The following MACROD2 variants were observed in gnomAD, a reference collection of about 807,000 sequenced individuals.
MACROD2 encodes the protein ADP-ribose glycohydrolase MACROD2.
MACROD2 carries 36 observed loss-of-function variants against 70.4 expected under a neutral mutation model. The observed-to-expected ratio is 0.51, with a 90% CI of 0.39 to 0.68. The LOEUF is 0.68. Ranked by LOEUF, MACROD2 falls within the 30% of genes least tolerant of loss-of-function variation. The pLI is 0.00. For missense variants in MACROD2, 496 were observed against 538.4 expected (o/e 0.92, Z 0.78); for synonymous variants, 172 against 178.8 (o/e 0.96, Z 0.30).
intron 8 of MACROD2, among the ~76,000 whole-genome samples, chr20:15,708,194 C>G (rs1311148830): frequency 2.0e-5 from 3 of 152,064 alleles, no homozygotes; most frequent in Admixed American, 1.3e-4. Flanking sequence ...TATATCATGG[C>G]CTATTCAAGA....
At chr20:16,001,463 G>A (rs2066707921) in intron 15 of MACROD2, among the ~76,000 whole-genome samples, 1 of 152,156 alleles carries the variant, frequency 6.6e-6, no homozygotes, top group South Asian at 2.1e-4. Context: ...AAACTTCAAA[G>A]GAAATGTTGT....
At chr20:15,177,132 G>A (rs2076468254) in intron 5 of MACROD2, among the ~76,000 whole-genome samples, 1 of 152,192 alleles carries the variant, frequency 6.6e-6, no homozygotes, top group South Asian at 2.1e-4. Context: ...CTCACCTTTG[G>A]TAGGTGTGGG....
chr20:15,925,908 T>C (rs983690659), intron 10 of MACROD2, among the ~76,000 whole-genome samples: 3 of 152,194 alleles, frequency 2.0e-5, no homozygotes, highest in Non-Finnish European at 4.4e-5. Flanking sequence ...CCCATGAAGC[T>C]TGCACCCCTT....
At chr20:14,861,604 G>A (rs951231129) in intron 5 of MACROD2, among the ~76,000 whole-genome samples, 3 of 151,788 alleles carry the variant, frequency 2.0e-5, no homozygotes, top group Admixed American at 1.3e-4. Flanking sequence ...TCTATGTAGT[G>A]GGGAAAATGG....
intron 4 of MACROD2, among the ~76,000 whole-genome samples, chr20:14,548,842 A>AG (rs2123254581): frequency 6.6e-6 from 1 of 152,194 alleles, no homozygotes; most frequent in African/African-American, 2.4e-5. Context: ...GAAGTAAAAA[A>AG]GGGAATGGAT....
intron 4 of MACROD2, among the ~76,000 whole-genome samples, chr20:14,632,649 A>G (rs1326519595): frequency 1.3e-5 from 2 of 152,188 alleles, no homozygotes; most frequent in African/African-American, 4.8e-5. Flanking sequence ...AGTGGAAGGT[A>G]GTAGATAGTT....
intron 6 of MACROD2, among the ~76,000 whole-genome samples, chr20:15,412,193 G>A (rs192064987): frequency 5.3e-4 from 80 of 152,256 alleles, no homozygotes; most frequent in Middle Eastern, 3.4e-3. Flanking sequence ...CTGCCAGTTG[G>A]AGCCTCATAA....
chr20:15,693,456 A>G (rs1464459012), intron 8 of MACROD2, among the ~76,000 whole-genome samples: 1 of 152,104 alleles, frequency 6.6e-6, no homozygotes, highest in Non-Finnish European at 1.5e-5. Flanking sequence ...GCAGGACTTG[A>G]TGATTGGCAA....
rs568173980 is a variant in MACROD2, at chr20:16,052,781, C to T, written c.*2905C>T. The T allele has an allele frequency of 7.0e-4, 107 of 152,632 alleles. No homozygotes were observed. Among genetic ancestry groups the T allele is most frequent in the African/African-American group, 2.0e-3 (85 of 41,532 alleles). 9.5% of individuals were successfully genotyped at this position (152,632 alleles called of 1,614,324 possible). On this transcript the variant is annotated 3_prime_UTR_variant, in exon 18 of 18. Transcript: ENST00000684519. Reference sequence around the variant, plus strand: ...AAAAGACATTTCTCTGTATGTGGCGCATGTCGGCTTTGCTTTGAAAAATAA... The same window carrying T: ...AAAAGACATTTCTCTGTATGTGGCGTATGTCGGCTTTGCTTTGAAAAATAA...
intron 3 of MACROD2, among the ~76,000 whole-genome samples, chr20:14,243,356 G>C (rs984127590): frequency 6.6e-6 from 1 of 152,132 alleles, no homozygotes; most frequent in East Asian, 1.9e-4. Context: ...TTTCTCTCCA[G>C]TCTTGCTTTT....
At chr20:14,793,236 GA>G (rs2072470884) in intron 5 of MACROD2, among the ~76,000 whole-genome samples, 1 of 151,916 alleles carries the variant, frequency 6.6e-6, no homozygotes, top group Non-Finnish European at 1.5e-5. Context: ...GTTATAGTGT[GA>G]ATTAGAAATT....
rs1447677517 is a variant in MACROD2 at position 15,233,962 on chromosome 20, T to A, written c.540+3901T>A. ...ATGAGTTACCCTTGGATCCAAAAAA[T>A]TTATTTTTATATATATTTATTTATA... On this transcript the variant is annotated intron_variant, in intron 6 of 17. Coordinates refer to ENST00000684519, the MANE Select transcript of MACROD2 (RefSeq NM_001351661.2). Among the ~76,000 whole-genome samples, 2 of 74,746 alleles carry A rather than the reference T, an allele frequency of 2.7e-5. 1 individual carries two copies. Among genetic ancestry groups the A allele is most frequent in the Non-Finnish European group, 5.4e-5 (2 of 36,880 alleles). The allele number at this position is 74,746 out of a possible 152,430, so 49.0% of individuals were successfully genotyped here.
intron 9 of MACROD2, among the ~76,000 whole-genome samples, chr20:15,883,452 T>C (rs1385018883): frequency 6.6e-6 from 1 of 152,142 alleles, no homozygotes; most frequent in East Asian, 1.9e-4. Context: ...TTAAAAATTA[T>C]GTAGAAAATC....
chr20:14,713,406 T>C (rs2071360704), intron 5 of MACROD2, among the ~76,000 whole-genome samples: 1 of 152,204 alleles, frequency 6.6e-6, no homozygotes, highest in South Asian at 2.1e-4. Flanking sequence ...CTTTTTGTTT[T>C]TATCACTCCA....
intron 6 of MACROD2, among the ~76,000 whole-genome samples, chr20:15,379,461 T>G (rs2045611266): frequency 1.3e-5 from 2 of 152,152 alleles, no homozygotes; most frequent in Admixed American, 1.3e-4. Flanking sequence ...ATCCAGGGTT[T>G]GTTTTTTTTT....
At chr20:15,499,904 TC>T (rs1568851292) in intron 8 of MACROD2, 57 bp downstream of exon 8, 29 of 1,503,942 alleles carry the variant, frequency 1.9e-5, no homozygotes, top group Non-Finnish European at 2.5e-5. Flanking sequence ...GATGCTCAGT[TC>T]CCCCCAAAAA....
At chr20:15,910,393 C>CGTGTGTGTGTGTGT (rs1568634216) in intron 10 of MACROD2, among the ~76,000 whole-genome samples, 6 of 105,784 alleles carry the variant, frequency 5.7e-5, no homozygotes, top group East Asian at 5.3e-4. Context: ...AGTCAGAGGA[C>CGTGTGTGTGTGTGT]ATGTGTGTGT....
intron 5 of MACROD2, among the ~76,000 whole-genome samples, chr20:14,728,211 C>T (rs2071552559): frequency 6.6e-6 from 1 of 152,052 alleles, no homozygotes; most frequent in African/African-American, 2.4e-5. Flanking sequence ...TATGGCACAT[C>T]CCTGTAATAC....
chr20:15,164,574 T>A (rs2076370122), intron 5 of MACROD2, among the ~76,000 whole-genome samples: 1 of 152,110 alleles, frequency 6.6e-6, no homozygotes, highest in African/African-American at 2.4e-5. Flanking sequence ...AAATAAAGAT[T>A]GAATATTAAT....
Sources: allele counts gnomAD v4.1 joint callset (sites outside exome capture counted in the v4.1 genomes callset), GRCh38; gene constraint gnomAD v4.1.1; transcripts MANE v1.5; gene names NCBI Gene and HGNC (gene_info 2026-07-23, HGNC 2026-07-21).